RBFOX1: variants seen among roughly 807,000 people sequenced by gnomAD.
RBFOX1 encodes the protein RNA binding protein fox-1 homolog 1.
RBFOX1 carries 8 observed loss-of-function variants against 57.7 expected under a neutral mutation model. The observed-to-expected ratio is 0.14, with a 90% CI of 0.08 to 0.25. The LOEUF (loss-of-function observed/expected upper bound fraction) is 0.25. Ranked by LOEUF, RBFOX1 falls within the 10% of genes least tolerant of loss-of-function variation. RBFOX1 has a pLI of 1.00. For synonymous variants in RBFOX1, 326 were observed against 222.4 expected (o/e 1.47, Z -4.15); for missense variants, 611 against 548.5 (o/e 1.11, Z -1.14).
At chr16:6,245,281 C>G (rs1485485958) in intron 1 of RBFOX1, among the ~76,000 whole-genome samples, 5 of 152,048 alleles carry the variant, frequency 3.3e-5, no homozygotes, top group African/African-American at 1.2e-4. Context: ...TTCTTGTAGG[C>G]TTTCATTGCT....
intron 1 of RBFOX1, among the ~76,000 whole-genome samples, chr16:5,450,780 G>T (rs754060627): frequency 6.6e-6 from 1 of 152,162 alleles, no homozygotes; most frequent in Non-Finnish European, 1.5e-5. Flanking sequence ...TTGTGACTTT[G>T]GGTAGCCTCG....
intron 3 of RBFOX1, among the ~76,000 whole-genome samples, chr16:6,943,570 C>G (rs8054067): frequency 4.6e-5 from 7 of 151,878 alleles, no homozygotes; most frequent in Non-Finnish European, 8.8e-5. Flanking sequence ...TAGCCAGGCG[C>G]GGTGGCGGGT....
At chr16:5,820,521 C>T (rs1438403932) in intron 3 of RBFOX1, among the ~76,000 whole-genome samples, 1 of 152,232 alleles carries the variant, frequency 6.6e-6, no homozygotes, top group Non-Finnish European at 1.5e-5. Context: ...GGGGAACCCA[C>T]CCCAGCTTCT....
intron 3 of RBFOX1, among the ~76,000 whole-genome samples, chr16:6,782,868 C>G (rs1364741683): frequency 2.0e-5 from 3 of 152,108 alleles, no homozygotes; most frequent in Non-Finnish European, 2.9e-5. Flanking sequence ...GGGTCTGTTT[C>G]TCTCTTTATC....
intron 2 of RBFOX1, among the ~76,000 whole-genome samples, chr16:6,339,818 C>T (rs575316435): frequency 6.6e-6 from 1 of 151,950 alleles, no homozygotes; most frequent in African/African-American, 2.4e-5. Flanking sequence ...TTACAGGTGC[C>T]TGCCACCATG....
At chr16:6,218,475 A>T (rs1312828945) in intron 1 of RBFOX1, among the ~76,000 whole-genome samples, 1 of 151,886 alleles carries the variant, frequency 6.6e-6, no homozygotes, top group Non-Finnish European at 1.5e-5. Context: ...CACCTGGCTA[A>T]TTTTTGTGTA....
chr16:5,578,844 CTTTTTTTTT>C (rs57387602), intron 2 of RBFOX1, among the ~76,000 whole-genome samples: 1 of 109,022 alleles, frequency 9.2e-6, no homozygotes, highest in South Asian at 3.1e-4. Context: ...CACACACACC[CTTTTTTTTT>C]TTTTTTTTTT....
chr16:7,478,057 G>C (rs969041144), intron 4 of RBFOX1, among the ~76,000 whole-genome samples: 1 of 152,178 alleles, frequency 6.6e-6, no homozygotes, highest in South Asian at 2.1e-4. Flanking sequence ...AATCGAATAA[G>C]TGCATTTCAA....
At chr16:5,328,322 A>T (rs996062241) in intron 1 of RBFOX1, among the ~76,000 whole-genome samples, 3 of 152,214 alleles carry the variant, frequency 2.0e-5, no homozygotes, top group Non-Finnish European at 4.4e-5. Flanking sequence ...GGATGCATGC[A>T]TAGAGGAAAG....
intron 2 of RBFOX1, among the ~76,000 whole-genome samples, chr16:5,512,447 T>C (rs2043632265): frequency 6.8e-6 from 1 of 146,504 alleles, no homozygotes; most frequent in South Asian, 2.1e-4. Context: ...TCTCTCTCTC[T>C]TCTTTCATTA....
chr16:6,994,672 C>G (rs906809594), intron 3 of RBFOX1, among the ~76,000 whole-genome samples: 1 of 152,164 alleles, frequency 6.6e-6, no homozygotes, highest in African/African-American at 2.4e-5. Flanking sequence ...CTCTTTTATG[C>G]CTCTCCACCC....
intron 1 of RBFOX1, among the ~76,000 whole-genome samples, chr16:6,223,653 C>T (rs1257737346): frequency 6.6e-6 from 1 of 152,088 alleles, no homozygotes; most frequent in Admixed American, 6.6e-5. Flanking sequence ...TTGTAGGTCG[C>T]CTGTTCACTC....
At chr16:5,534,763 G>T (rs1040384245) in intron 2 of RBFOX1, among the ~76,000 whole-genome samples, 65 of 152,026 alleles carry the variant, frequency 4.3e-4, no homozygotes, top group African/African-American at 1.5e-3. Flanking sequence ...AATACTTCAC[G>T]AGCTATGTAG....
intron 1 of RBFOX1, among the ~76,000 whole-genome samples, chr16:6,233,789 T>G: frequency 6.6e-6 from 1 of 152,178 alleles, no homozygotes; most frequent in Non-Finnish European, 1.5e-5. Flanking sequence ...TTATTTTTTT[T>G]CCATCCGTCC....
intron 3 of RBFOX1, among the ~76,000 whole-genome samples, chr16:6,655,656 CAAG>C (rs1228757090): frequency 3.9e-5 from 6 of 152,084 alleles, no homozygotes; most frequent in African/African-American, 1.2e-4. Flanking sequence ...AAAGCACATC[CAAG>C]AAGATCAGAT....
At chr16:5,584,053 A>C (rs531681088) in intron 2 of RBFOX1, among the ~76,000 whole-genome samples, 1 of 152,104 alleles carries the variant, frequency 6.6e-6, no homozygotes, top group South Asian at 2.1e-4. Flanking sequence ...CAAGTATCCC[A>C]TTTCTGCATC....
chr16:6,475,736 A>AT (rs2095262384), intron 2 of RBFOX1, among the ~76,000 whole-genome samples: 1 of 152,064 alleles, frequency 6.6e-6, no homozygotes, highest in Non-Finnish European at 1.5e-5. Flanking sequence ...ATGTAATTTT[A>AT]TTTTTTTAGG....
intron 4 of RBFOX1, among the ~76,000 whole-genome samples, chr16:7,322,821 C>G (rs1451219934): frequency 6.6e-6 from 1 of 152,168 alleles, no homozygotes; most frequent in African/African-American, 2.4e-5. Flanking sequence ...ATCTCTTTAT[C>G]TGTCCTCCTC....
downstream of RBFOX1, among the ~76,000 whole-genome samples, chr16:5,603,380 G>A (rs571737646): frequency 4.2e-4 from 63 of 149,134 alleles, no homozygotes; most frequent in African/African-American, 1.5e-3. Context: ...GGCTTGCACA[G>A]TCTCATAGCT....
Sources: gnomAD v4.1 joint callset for allele counts (sites outside exome capture counted in the v4.1 genomes callset) on GRCh38, gnomAD v4.1.1 for gene constraint, MANE v1.5 for transcripts, NCBI Gene and HGNC (gene_info 2026-07-23, HGNC 2026-07-21) for gene names.